The following MEI4 variants were observed in gnomAD, a reference collection of about 807,000 sequenced individuals.
MEI4 encodes meiotic double-stranded break formation protein 4.
A neutral mutation model predicts 31.4 loss-of-function variants in MEI4; 27 were observed. The observed-to-expected ratio is 0.86, with a 90% confidence interval of 0.63 to 1.19. The LOEUF (loss-of-function observed/expected upper bound fraction) is 1.19. Ranked by LOEUF, MEI4 falls within the 50% of genes most tolerant of loss-of-function variation. The pLI is 0.00. For missense variants in MEI4, 329 were observed against 398.9 expected (o/e 0.82, Z 1.49); for synonymous variants, 122 against 145.4 (o/e 0.84, Z 1.16).
chr6:77,664,700 G>A (rs1230289412), intron 1 of MEI4, among the ~76,000 whole-genome samples: 1 of 152,076 alleles, frequency 6.6e-6, no homozygotes, highest in Non-Finnish European at 1.5e-5. Context: ...GGGAAAGAAG[G>A]AAGATTTGGG....
intron 1 of MEI4, among the ~76,000 whole-genome samples, chr6:77,670,507 C>T (rs978413333): frequency 1.3e-5 from 2 of 152,104 alleles, no homozygotes; most frequent in African/African-American, 4.8e-5. Context: ...TGATCTTCAT[C>T]TGTAATAGGG....
chr6:77,858,889 G>A (rs1582222580), intron 4 of MEI4, among the ~76,000 whole-genome samples: 1 of 134,054 alleles, frequency 7.5e-6, no homozygotes, highest in African/African-American at 2.9e-5. Flanking sequence ...TGTAAGGAAA[G>A]GATTCTTTAG....
chr6:77,848,543 A>G (rs1179755694), intron 4 of MEI4, among the ~76,000 whole-genome samples: 1 of 152,202 alleles, frequency 6.6e-6, no homozygotes, highest in East Asian at 1.9e-4. Flanking sequence ...AAAGAGCAGT[A>G]TGAGGATGCA....
intron 4 of MEI4, among the ~76,000 whole-genome samples, chr6:77,918,198 G>A (rs1229363137): frequency 6.6e-6 from 1 of 152,034 alleles, no homozygotes; most frequent in Non-Finnish European, 1.5e-5. Context: ...AAGTCAGGTA[G>A]TATGATGGCT....
intron 3 of MEI4, among the ~76,000 whole-genome samples, chr6:77,762,318 T>A (rs143230844): frequency 6.6e-6 from 1 of 152,212 alleles, no homozygotes; most frequent in Non-Finnish European, 1.5e-5. Flanking sequence ...CAGGGATTCT[T>A]TCTTAACAAG....
At chr6:77,875,647 A>T (rs544054449) in intron 4 of MEI4, among the ~76,000 whole-genome samples, 1 of 152,334 alleles carries the variant, frequency 6.6e-6, no homozygotes, top group African/African-American at 2.4e-5. Flanking sequence ...ACAAACACTG[A>T]ATACTGTTAC....
intron 1 of MEI4, among the ~76,000 whole-genome samples, chr6:77,675,126 G>A (rs1028251937): frequency 8.7e-4 from 133 of 152,070 alleles, no homozygotes; most frequent in Non-Finnish European, 1.3e-3. Context: ...TTTTTAACAT[G>A]TGTCTTTTTG....
chr6:77,872,251 C>A (rs1293855501), intron 4 of MEI4, among the ~76,000 whole-genome samples: 1 of 152,106 alleles, frequency 6.6e-6, no homozygotes, highest in Non-Finnish European at 1.5e-5. Context: ...TATGTTACTG[C>A]TGGTCTTTTC....
At chr6:77,804,446 GCTGCACCCACTGTC>G (rs1769374621) in intron 3 of MEI4, among the ~76,000 whole-genome samples, 1 of 152,106 alleles carries the variant, frequency 6.6e-6, no homozygotes, top group Non-Finnish European at 1.5e-5. Flanking sequence ...CACTCAGTGC[GCTGCACCCACTGTC>G]CTGCACCCAC....
rs1771438818 is a variant in MEI4 at position 77,879,973 on chromosome 6, T to C, written c.901-43116T>C. Among the ~76,000 whole-genome samples the C allele has an allele frequency of 2.6e-5, 4 of 152,310 alleles. No individual in the cohort carries two copies. In the South Asian group the frequency reaches 8.3e-4, roughly 32 times the overall value. ...AAAAATGCTATTCTGTTTGGGCACCTGTGCTTTAGAATGAGATAGCTTTTA... is the reference window on the plus strand; with the variant it reads ...AAAAATGCTATTCTGTTTGGGCACCCGTGCTTTAGAATGAGATAGCTTTTA... On this transcript the variant is annotated intron_variant, in intron 4 of 4. Transcript: ENST00000684080.
intron 2 of MEI4, among the ~76,000 whole-genome samples, chr6:77,711,048 A>G (rs1766454071): frequency 6.6e-6 from 1 of 152,180 alleles, no homozygotes; most frequent in South Asian, 2.1e-4. Context: ...TTTAGATTCC[A>G]CATATAAGTG....
intron 1 of MEI4, among the ~76,000 whole-genome samples, chr6:77,668,601 C>G (rs16889294): frequency 2.0e-5 from 3 of 152,154 alleles, no homozygotes; most frequent in Middle Eastern, 3.4e-3. Flanking sequence ...CACTTGGCAG[C>G]CAATGAAGAG....
chr6:77,657,984 G>C (rs778313297), intron 1 of MEI4, among the ~76,000 whole-genome samples: 4 of 152,206 alleles, frequency 2.6e-5, no homozygotes, highest in Non-Finnish European at 5.9e-5. Context: ...ATTTGGAGGC[G>C]TGAGCCTGGG....
At chr6:77,796,080 G>A (rs543192876) in intron 3 of MEI4, among the ~76,000 whole-genome samples, 2 of 152,212 alleles carry the variant, frequency 1.3e-5, no homozygotes, top group East Asian at 1.9e-4. Context: ...TATCACAGGG[G>A]TGAAAGTATG....
chr6:77,680,549 G>T (rs1014510615), intron 1 of MEI4, among the ~76,000 whole-genome samples: 1 of 152,118 alleles, frequency 6.6e-6, no homozygotes, highest in Non-Finnish European at 1.5e-5. Context: ...TTGTGTGTTT[G>T]TTACCTGGAA....
At chr6:77,885,183 C>CT (rs1006306194) in intron 4 of MEI4, among the ~76,000 whole-genome samples, 176 of 139,368 alleles carry the variant, frequency 1.3e-3, no homozygotes, top group East Asian at 9.1e-3. Flanking sequence ...GCTAGTGACT[C>CT]TTTTTTTTTT....
chr6:77,913,443 T>C (rs924319175), intron 4 of MEI4, among the ~76,000 whole-genome samples: 1 of 152,144 alleles, frequency 6.6e-6, no homozygotes, highest in African/African-American at 2.4e-5. Context: ...AAGATGTTTT[T>C]ATTACTGATA....
At chr6:77,658,906 T>C (rs2127641524) in intron 1 of MEI4, among the ~76,000 whole-genome samples, 2 of 152,258 alleles carry the variant, frequency 1.3e-5, no homozygotes, top group Admixed American at 1.3e-4. Flanking sequence ...TTTTATGTTG[T>C]CATACACCAG....
chr6:77,874,612 A>G (rs1366395542), intron 4 of MEI4, among the ~76,000 whole-genome samples: 3 of 151,994 alleles, frequency 2.0e-5, no homozygotes, highest in Non-Finnish European at 4.4e-5. Context: ...TCTCCTGCCT[A>G]ATTGCCCTGG....
Sources: gnomAD v4.1 joint callset for allele counts (sites outside exome capture counted in the v4.1 genomes callset) on GRCh38, gnomAD v4.1.1 for gene constraint, MANE v1.5 for transcripts, NCBI Gene and HGNC (gene_info 2026-07-23, HGNC 2026-07-21) for gene names.